GLCE: variants seen among roughly 807,000 people sequenced by gnomAD.
GLCE encodes the protein glucuronic acid epimerase.
Under a neutral mutation model 47.9 loss-of-function variants are expected in GLCE, and 19 were observed. The observed-to-expected ratio is 0.40, with a 90% confidence interval of 0.28 to 0.58. The LOEUF (loss-of-function observed/expected upper bound fraction) is 0.58, where lower values mean the gene tolerates loss of function less well. Among genes scored for constraint, GLCE ranks in the 20% least tolerant of loss-of-function variants. GLCE has a pLI of 0.48. For synonymous variants in GLCE, 245 were observed against 263.4 expected, an observed-to-expected ratio of 0.93 and a Z score of 0.68; for missense variants, 556 against 743.3, an observed-to-expected ratio of 0.75 and a Z score of 2.93.
chr15:69,195,415 A>G (rs2051972934), intron 1 of GLCE, among the ~76,000 whole-genome samples: 1 of 152,070 alleles, frequency 6.6e-6, no homozygotes, highest in Non-Finnish European at 1.5e-5. Context: ...TACCTATGAA[A>G]GAATTGATAA....
intron 2 of GLCE, among the ~76,000 whole-genome samples, chr15:69,230,657 G>A (rs2052509817): frequency 6.6e-6 from 1 of 152,210 alleles, no homozygotes. Flanking sequence ...TAGTGTTAAA[G>A]TGCACATTCT....
chr15:69,240,149 CATT>C (rs2052646030), intron 2 of GLCE, among the ~76,000 whole-genome samples: 1 of 151,840 alleles, frequency 6.6e-6, no homozygotes, highest in African/African-American at 2.4e-5. Context: ...GACAGTTGAA[CATT>C]ATATACTTCC....
chr15:69,188,897 T>C (rs1207879821), intron 1 of GLCE, among the ~76,000 whole-genome samples: 1 of 152,218 alleles, frequency 6.6e-6, no homozygotes, highest in East Asian at 1.9e-4. Flanking sequence ...TTTATTTTTT[T>C]AGAGCAGTTT....
chr15:69,170,142 A>G (rs1315291676), intron 1 of GLCE, among the ~76,000 whole-genome samples: 2 of 152,124 alleles, frequency 1.3e-5, no homozygotes, highest in African/African-American at 2.4e-5. Flanking sequence ...ATATGCCAAT[A>G]TGAAACATTA....
intron 2 of GLCE, among the ~76,000 whole-genome samples, chr15:69,245,573 A>T (rs956376587): frequency 6.6e-6 from 1 of 152,170 alleles, no homozygotes; most frequent in African/African-American, 2.4e-5. Context: ...TCTTCCTTTC[A>T]TGAAAGATTT....
In GLCE at chr15:69,235,093, CTTTTTTTTTTTTT is replaced by C. The variant is rs869212730; in HGVS notation, c.-13-20681_-13-20669del. Among the ~76,000 whole-genome samples, 403 of 62,894 alleles carry C rather than the reference CTTTTTTTTTTTTT, an allele frequency of 6.4e-3. 3 individuals are homozygous for C. The highest frequency in any genetic ancestry group is 0.026 in the African/African-American group (344 of 13,364). 41.3% of individuals were successfully genotyped at this position (62,894 alleles called of 152,430 possible). A position where few individuals can be genotyped will look rare whatever the true frequency, so the allele number is the denominator to read the frequency against. On this transcript the variant is annotated intron_variant, in intron 2 of 4. Coordinates refer to ENST00000261858, the MANE Select transcript of GLCE (RefSeq NM_015554.3). ...CTGATACAGATAGATGAAGATTATTCTTTTTTTTTTTTTTTTTTTTTTTTTTTTTTTTGAGATA... is the reference window on the plus strand; with the variant it reads ...CTGATACAGATAGATGAAGATTATTCTTTTTTTTTTTTTTTTTTTGAGATA...
chr15:69,195,554 T>C (rs2051975254), intron 1 of GLCE, among the ~76,000 whole-genome samples: 1 of 152,170 alleles, frequency 6.6e-6, no homozygotes, highest in Non-Finnish European at 1.5e-5. Flanking sequence ...TGTATGTGGA[T>C]TGTCTACTTT....
chr15:69,257,108 G>A (rs1293850749), intron 3 of GLCE, among the ~76,000 whole-genome samples: 1 of 152,086 alleles, frequency 6.6e-6, no homozygotes, highest in African/African-American at 2.4e-5. Context: ...AATCTGTATT[G>A]AAGTAAGTTT....
intron 2 of GLCE, among the ~76,000 whole-genome samples, chr15:69,240,676 A>T (rs7163312): frequency 0.12 from 18,554 of 152,166 alleles, 1,206 homozygotes; most frequent in East Asian, 0.16. Context: ...GGCAGTATAT[A>T]GATTAAACTG....
chr15:69,260,763 A>G, intron 3 of GLCE: 1 of 245,220 alleles, frequency 4.1e-6, no homozygotes, highest in South Asian at 1.0e-4. Flanking sequence ...ATTTGAATGT[A>G]GGAAACAGGA....
At chr15:69,253,620 T>C (rs1002982652) in intron 2 of GLCE, among the ~76,000 whole-genome samples, 5 of 152,150 alleles carry the variant, frequency 3.3e-5, no homozygotes, top group African/African-American at 1.2e-4. Context: ...GAATAAATCA[T>C]CTAATATATT....
At chr15:69,263,302 G>A (rs1254802590) in intron 4 of GLCE, among the ~76,000 whole-genome samples, 1 of 152,100 alleles carries the variant, frequency 6.6e-6, no homozygotes, top group East Asian at 1.9e-4. Flanking sequence ...GCTTTTTAGA[G>A]GATATAGACC....
At chr15:69,227,477 A>G (rs1419131450) in intron 2 of GLCE, among the ~76,000 whole-genome samples, 1 of 152,200 alleles carries the variant, frequency 6.6e-6, no homozygotes, top group Admixed American at 6.5e-5. Flanking sequence ...GTTAGAATGA[A>G]CTGTTAGACA....
At chr15:69,215,736 C>G (rs1007845600) in intron 2 of GLCE, among the ~76,000 whole-genome samples, 1 of 152,148 alleles carries the variant, frequency 6.6e-6, no homozygotes, top group Non-Finnish European at 1.5e-5. Flanking sequence ...TTTTGCTGTT[C>G]TGCATCCTTG....
At chr15:69,222,006 T>A (rs1318620388) in intron 2 of GLCE, among the ~76,000 whole-genome samples, 1 of 152,194 alleles carries the variant, frequency 6.6e-6, no homozygotes, top group African/African-American at 2.4e-5. Context: ...GTTTTTATGA[T>A]CTTTATTGCC....
At position 69,199,783 on chromosome 15, in the gene GLCE, G is replaced by A. The variant is rs555211931; in HGVS notation, c.-104-10533G>A. ...AACTTTTATGCTTCTCTTATCCCCAGACCTTTTGATTTAATTGGTATGGGT... is the reference window on the plus strand; with the variant it reads ...AACTTTTATGCTTCTCTTATCCCCAAACCTTTTGATTTAATTGGTATGGGT... On this transcript the variant is annotated intron_variant, in intron 1 of 4. Coordinates refer to ENST00000261858, the MANE Select transcript of GLCE (RefSeq NM_015554.3). Among the ~76,000 whole-genome samples, 21 of 152,196 alleles carry A rather than the reference G, an allele frequency of 1.4e-4. No individual in the cohort carries two copies. The South Asian group carries it at 3.5e-3, about 26-fold the overall frequency.
intron 3 of GLCE, chr15:69,260,583 C>T (rs2053000144): frequency 6.5e-6 from 1 of 154,326 alleles, no homozygotes; most frequent in Non-Finnish European, 1.4e-5. Flanking sequence ...TAAGCAAATA[C>T]ATTAACCATC....
intron 2 of GLCE, among the ~76,000 whole-genome samples, chr15:69,245,789 C>T (rs1224466108): frequency 6.6e-6 from 1 of 152,020 alleles, no homozygotes; most frequent in Non-Finnish European, 1.5e-5. Flanking sequence ...AGTGCAGGGG[C>T]ACCGTGTGAG....
intron 1 of GLCE, among the ~76,000 whole-genome samples, chr15:69,172,980 A>C (rs981717435): frequency 3.3e-5 from 5 of 152,328 alleles, no homozygotes; most frequent in Non-Finnish European, 7.4e-5. Flanking sequence ...AGTCTGCACA[A>C]ATACAAGATG....
Sources: gnomAD v4.1 joint callset for allele counts (sites outside exome capture counted in the v4.1 genomes callset) on GRCh38, gnomAD v4.1.1 for gene constraint, MANE v1.5 for transcripts, NCBI Gene and HGNC (gene_info 2026-07-23, HGNC 2026-07-21) for gene names.